The following NEGR1 variants were observed in gnomAD, a reference collection of about 807,000 sequenced individuals.
NEGR1 encodes IgLON family member 4.
In NEGR1, 10 loss-of-function variants were observed where a neutral mutation model predicts 40.9. That is an observed-to-expected ratio of 0.24 (90% CI 0.15 to 0.42). NEGR1 has a LOEUF of 0.42. NEGR1 is among the 10% of genes least tolerant of loss of function. The pLI is 1.00. For synonymous variants in NEGR1, 185 were observed against 166.8 expected, an observed-to-expected ratio of 1.11 and a Z score of -0.84; for missense variants, 352 against 438.9, an observed-to-expected ratio of 0.80 and a Z score of 1.77.
chr1:71,929,732 G>GTT (rs75644144), intron 2 of NEGR1, among the ~76,000 whole-genome samples: 1 of 142,522 alleles, frequency 7.0e-6, no homozygotes, highest in Non-Finnish European at 1.5e-5. Flanking sequence ...CACCATTACT[G>GTT]TTTTTTTTTT....
chr1:71,943,882 C>T (rs1352910436), intron 1 of NEGR1, among the ~76,000 whole-genome samples: 1 of 151,940 alleles, frequency 6.6e-6, no homozygotes, highest in Non-Finnish European at 1.5e-5. Flanking sequence ...CATCTCTGCT[C>T]TAAGATTACT....
intron 6 of NEGR1, among the ~76,000 whole-genome samples, chr1:71,574,117 A>G (rs1648887719): frequency 1.3e-5 from 2 of 152,214 alleles, no homozygotes; most frequent in African/African-American, 4.8e-5. Flanking sequence ...GAGCAGGCTT[A>G]CTTACTGGCT....
chr1:72,156,192 T>C (rs900424682), intron 1 of NEGR1, among the ~76,000 whole-genome samples: 2 of 152,150 alleles, frequency 1.3e-5, no homozygotes, highest in African/African-American at 2.4e-5. Context: ...GTGTTCTGAC[T>C]CTATCTGTTT....
At chr1:71,763,150 G>C (rs1656006640) in intron 3 of NEGR1, among the ~76,000 whole-genome samples, 1 of 152,088 alleles carries the variant, frequency 6.6e-6, no homozygotes, top group African/African-American at 2.4e-5. Context: ...CTACATGAAT[G>C]AACTCATGAT....
At chr1:72,207,842 C>T (rs143391205) in intron 1 of NEGR1, among the ~76,000 whole-genome samples, 24 of 151,796 alleles carry the variant, frequency 1.6e-4, no homozygotes, top group Admixed American at 1.6e-3. Context: ...CAATAATTTA[C>T]ACATACTCAC....
intron 2 of NEGR1, among the ~76,000 whole-genome samples, chr1:71,882,318 CAA>C (rs1660603707): frequency 1.3e-5 from 2 of 152,056 alleles, no homozygotes; most frequent in African/African-American, 4.8e-5. Flanking sequence ...TATCAAAACT[CAA>C]AGTCAGTATA....
rs76624162 is a variant in NEGR1, at chr1:71,586,123, C to T, written c.940+6694G>A. Among the ~76,000 whole-genome samples, 28 of 152,220 alleles carry T rather than the reference C, an allele frequency of 1.8e-4. 1 individual carries two copies. In the East Asian group the frequency reaches 5.2e-3, roughly 28 times the overall value. Reference sequence around the variant, plus strand: ...GGATTATAGTTTTAACTTGGATCTGCTCGATTCAAAGCTTTTGGTGTTCCA... The same window carrying T: ...GGATTATAGTTTTAACTTGGATCTGTTCGATTCAAAGCTTTTGGTGTTCCA... On this transcript the variant is annotated intron_variant, in intron 6 of 6. Coordinates refer to ENST00000357731, the MANE Select transcript of NEGR1 (RefSeq NM_173808.3).
chr1:71,878,544 A>G (rs1266604778), intron 2 of NEGR1, among the ~76,000 whole-genome samples: 2 of 152,188 alleles, frequency 1.3e-5, no homozygotes, highest in African/African-American at 4.8e-5. Context: ...ACTTTGAAAA[A>G]CTATTTTTCA....
intron 1 of NEGR1, among the ~76,000 whole-genome samples, chr1:72,204,609 A>G (rs992129104): frequency 6.6e-6 from 1 of 152,184 alleles, no homozygotes. Flanking sequence ...ATATCCAGAC[A>G]AATTACATGC....
rs1038261336 is a variant in NEGR1, at chr1:72,220,290, G to A, written c.176+62029C>T. 4.6e-5 allele frequency among the ~76,000 whole-genome samples: 7 copies of A among 151,846 alleles called. 1 individual carries two copies. In the South Asian group the frequency reaches 8.3e-4, roughly 18 times the overall value. On this transcript the variant is annotated intron_variant, in intron 1 of 6. Coordinates refer to ENST00000357731, the MANE Select transcript of NEGR1 (RefSeq NM_173808.3). ...TCTCTCCCCCTTTTTATGTGTGTGTGTAAAACACAGGGATATCTCTCAGAA... is the reference window on the plus strand; with the variant it reads ...TCTCTCCCCCTTTTTATGTGTGTGTATAAAACACAGGGATATCTCTCAGAA...
At chr1:71,614,408 T>G (rs1174856007) in intron 4 of NEGR1, among the ~76,000 whole-genome samples, 2 of 152,130 alleles carry the variant, frequency 1.3e-5, no homozygotes, top group South Asian at 4.1e-4. Flanking sequence ...ATTGTTTTGT[T>G]AAGCAAAATT....
intron 2 of NEGR1, among the ~76,000 whole-genome samples, chr1:71,787,429 G>T (rs1232050617): frequency 6.6e-6 from 1 of 152,128 alleles, no homozygotes; most frequent in African/African-American, 2.4e-5. Context: ...TCAGGACAAA[G>T]TATACATACA....
chr1:72,036,645 G>C (rs1646905552), intron 1 of NEGR1, among the ~76,000 whole-genome samples: 1 of 122,690 alleles, frequency 8.2e-6, no homozygotes, highest in Non-Finnish European at 1.6e-5. Flanking sequence ...GACAGAGCGA[G>C]ACTCCATCTC....
At chr1:71,645,431 T>C (rs1015198696) in intron 4 of NEGR1, among the ~76,000 whole-genome samples, 1 of 151,952 alleles carries the variant, frequency 6.6e-6, no homozygotes, top group Non-Finnish European at 1.5e-5. Flanking sequence ...TTGATATTAG[T>C]GCTATTTATC....
chr1:71,645,246 C>T (rs1444807290), intron 4 of NEGR1, among the ~76,000 whole-genome samples: 4 of 151,978 alleles, frequency 2.6e-5, no homozygotes, highest in African/African-American at 4.8e-5. Context: ...AATGCAAGCA[C>T]TTTCAGAGTG....
chr1:71,692,276 A>G (rs1653312119), intron 4 of NEGR1, among the ~76,000 whole-genome samples: 1 of 151,768 alleles, frequency 6.6e-6, no homozygotes, highest in East Asian at 1.9e-4. Flanking sequence ...TGTTCCAAAT[A>G]AGTGTTAATT....
chr1:72,098,312 A>G (rs889186173), intron 1 of NEGR1, among the ~76,000 whole-genome samples: 2 of 152,142 alleles, frequency 1.3e-5, no homozygotes, highest in Middle Eastern at 3.2e-3. Context: ...CGGAAACAAC[A>G]TAATTCCTTT....
intron 1 of NEGR1, chr1:72,275,302 A>T (rs1656009818): frequency 6.9e-6 from 3 of 435,514 alleles, no homozygotes; most frequent in Non-Finnish European, 1.2e-5. Context: ...ATTAAAACTC[A>T]ATTTGATAAT....
intron 3 of NEGR1, among the ~76,000 whole-genome samples, chr1:71,735,582 A>G (rs1470915500): frequency 6.6e-6 from 1 of 152,084 alleles, no homozygotes; most frequent in Admixed American, 6.6e-5. Context: ...ATTGAAAAAA[A>G]TAAGCAAGAT....
Sources: allele counts gnomAD v4.1 joint callset (sites outside exome capture counted in the v4.1 genomes callset), GRCh38; gene constraint gnomAD v4.1.1; transcripts MANE v1.5; gene names NCBI Gene and HGNC (gene_info 2026-07-23, HGNC 2026-07-21).